TTBK2: variants seen among roughly 807,000 people sequenced by gnomAD.
TTBK2 encodes the protein tau tubulin kinase 2, also known as tau-tubulin kinase 2.
Under a neutral mutation model 110.8 loss-of-function variants are expected in TTBK2, and 28 were observed. The ratio of observed to expected loss-of-function variants is 0.25; its 90% CI spans 0.19 to 0.35. The LOEUF (loss-of-function observed/expected upper bound fraction) is 0.35. Ranked by LOEUF, TTBK2 falls within the 10% of genes least tolerant of loss-of-function variation. The pLI, the probability that TTBK2 is intolerant of heterozygous loss-of-function variation, is 1.00. For synonymous variants in TTBK2, 532 were observed against 527.3 expected (o/e 1.01, Z -0.12); for missense variants, 1,369 against 1,500.3 (o/e 0.91, Z 1.45).
At chr15:42,802,347 A>G in intron 9 of TTBK2, 1 of 770,408 alleles carries the variant, frequency 1.3e-6, no homozygotes, top group Non-Finnish European at 2.4e-6. Context: ...AGAGGCTGTT[A>G]AAGGCCTGGG....
intron 10 of TTBK2, 62 bp downstream of exon 10, chr15:42,794,582 A>C: frequency 6.2e-7 from 1 of 1,612,378 alleles, no homozygotes; most frequent in Non-Finnish European, 8.5e-7. Context: ...TGGATGAAGT[A>C]AATTTTTGCA....
In TTBK2 at chr15:42,810,594, G is replaced by A. The variant is rs749122384; in HGVS notation, c.822+20C>T. On this transcript the variant is annotated intron_variant, in intron 9 of 14. Transcript: ENST00000267890. The stretch of plus-strand genomic sequence containing the variant: ...TAAGAGAGAAAATAACTAACCCACA[G>A]AACTCACAAAGATGGTTACCTGGTA... 1.2e-6 allele frequency: 2 copies of A among 1,613,054 alleles called. No individual in the cohort carries two copies. Among genetic ancestry groups the A allele is most frequent in the East Asian group, 4.5e-5 (2 of 44,818 alleles).
chr15:42,755,331 A>G (rs913602222), intron 13 of TTBK2, among the ~76,000 whole-genome samples: 2 of 152,212 alleles, frequency 1.3e-5, no homozygotes, highest in Admixed American at 1.3e-4. Flanking sequence ...TGGATTAGTC[A>G]TAGGAGATTT....
chr15:42,775,523 G>A lies in TTBK2; in HGVS notation c.1610C>T (p.Ala537Val). Residue 537 changes from alanine (A) to valine (V), a missense_variant, in exon 13 of 15, where the codon GCT becomes GTT. Physicochemically the swap from Ala to Val is moderately conservative, Grantham distance 64 (BLOSUM62 0). Around this residue, in one of 4 missense-constraint regions of TTBK2, gnomAD observed 1,097 missense variants for 1,114.7 expected, o/e 0.98. Transcript: ENST00000267890. ...ADGGGSNGFI[A>V]VNLSSCKQEI... ...TTGCTTGCAAGAGCTCAGGTTAACA[G>A]CTATAAATCCATTGCTGCCACCACC... 6.2e-7 allele frequency: 1 copy of A among 1,614,190 alleles called. No individual in the cohort carries two copies. The highest frequency in any genetic ancestry group is 8.5e-7 in the Non-Finnish European group (1 of 1,180,028).
Position 42,753,243 on chromosome 15 carries a change from G to A in TTBK2, c.2003C>T (p.Thr668Ile). ...AGATGCCACAGAAGGTCTAGGAATT[G>A]TAATCTGGAGAAGGGGAAGAAAAAA... ...AQAEGPLTAI[T>I]IPRPSVASTQ... Residue 668 changes from threonine (T) to isoleucine (I), a missense_variant, in exon 14 of 15, where the codon ACA becomes ATA. Around this residue, in one of 4 missense-constraint regions of TTBK2, gnomAD observed 1,097 missense variants for 1,114.7 expected, o/e 0.98. Transcript: ENST00000267890. 1 of 1,613,526 alleles carries A rather than the reference G, an allele frequency of 6.2e-7. No homozygotes were observed. Among genetic ancestry groups the A allele is most frequent in the Non-Finnish European group, 8.5e-7 (1 of 1,179,814 alleles).
At chr15:42,886,941 CTTCTT>C (rs1567078702) in intron 1 of TTBK2, among the ~76,000 whole-genome samples, 1 of 152,216 alleles carries the variant, frequency 6.6e-6, no homozygotes, top group Admixed American at 6.5e-5. Flanking sequence ...CTTCCCAGAT[CTTCTT>C]GGCTTAGCAG....
At chr15:42,759,431 G>A (rs2061992520) in intron 13 of TTBK2, among the ~76,000 whole-genome samples, 1 of 152,192 alleles carries the variant, frequency 6.6e-6, no homozygotes, top group South Asian at 2.1e-4. Flanking sequence ...GCCCCTGGCA[G>A]GTGTGCCTCC....
At chr15:42,800,928 G>A (rs56367236) in intron 9 of TTBK2, 2 of 710,236 alleles carry the variant, frequency 2.8e-6, no homozygotes, top group South Asian at 3.1e-5. Flanking sequence ...CCTAGGCTCT[G>A]CGGCAGCCGC....
intron 6 of TTBK2, among the ~76,000 whole-genome samples, chr15:42,820,191 C>T (rs1892232863): frequency 6.6e-6 from 1 of 152,162 alleles, no homozygotes; most frequent in Non-Finnish European, 1.5e-5. Context: ...GAAATAATGT[C>T]AGATCAAGGA....
At chr15:42,795,257 ATT>A (rs60181944) in intron 9 of TTBK2, among the ~76,000 whole-genome samples, 116 of 139,942 alleles carry the variant, frequency 8.3e-4, no homozygotes, top group African/African-American at 2.7e-3. Flanking sequence ...GCTTTCCTTC[ATT>A]TTTTTTTTTT....
chr15:42,905,986 C>G (rs745628584), intron 1 of TTBK2, among the ~76,000 whole-genome samples: 1 of 152,030 alleles, frequency 6.6e-6, no homozygotes, highest in African/African-American at 2.4e-5. Context: ...GTCGGGAGTT[C>G]GAGACCAGCC....
rs768620828 is a variant in TTBK2 at position 42,878,044 on chromosome 15, CATT to C, written c.69+502_69+504del. On this transcript the variant is annotated intron_variant, in intron 2 of 14. Coordinates refer to ENST00000267890, the MANE Select transcript of TTBK2 (RefSeq NM_173500.4). The stretch of plus-strand genomic sequence containing the variant: ...AAAAAAAAAAAAAGAGAGAGCAGCT[CATT>C]GTACTTCCTTTTTTTTTCCCGGGTT... 1.3e-4 allele frequency among the ~76,000 whole-genome samples: 19 copies of C among 149,974 alleles called. No homozygotes were observed. The South Asian group carries it at 3.8e-3, about 30-fold the overall frequency.
chr15:42,833,534 A>C (rs1343377597), intron 4 of TTBK2, among the ~76,000 whole-genome samples: 1 of 152,154 alleles, frequency 6.6e-6, no homozygotes, highest in Non-Finnish European at 1.5e-5. Context: ...CATGTACTGA[A>C]TTATTTTCAT....
intron 1 of TTBK2, among the ~76,000 whole-genome samples, chr15:42,917,832 A>G (rs7164041): frequency 0.058 from 8,840 of 152,260 alleles, 800 homozygotes; most frequent in African/African-American, 0.19. Context: ...CTCAATAAGA[A>G]CAAAAAATGA....
At chr15:42,890,930 G>A (rs184008832) in intron 1 of TTBK2, among the ~76,000 whole-genome samples, 184 of 152,200 alleles carry the variant, frequency 1.2e-3, no homozygotes, top group Admixed American at 3.1e-3. Context: ...GTGCACTGGC[G>A]CAATCTTGGC....
intron 4 of TTBK2, among the ~76,000 whole-genome samples, chr15:42,837,646 A>C (rs1428845646): frequency 1.5e-5 from 2 of 132,616 alleles, no homozygotes; most frequent in African/African-American, 5.9e-5. Flanking sequence ...TGACAGAGTG[A>C]GACTCTGTCT....
intron 9 of TTBK2, among the ~76,000 whole-genome samples, chr15:42,796,049 G>T (rs1035776421): frequency 4.6e-5 from 7 of 152,072 alleles, no homozygotes; most frequent in Admixed American, 1.3e-4. Flanking sequence ...ATGGAAAGCA[G>T]TGAGTTTAGG....
At chr15:42,852,242 T>C (rs926278130) in intron 3 of TTBK2, among the ~76,000 whole-genome samples, 24 of 152,054 alleles carry the variant, frequency 1.6e-4, no homozygotes, top group African/African-American at 5.8e-4. Flanking sequence ...CTAATTTTTG[T>C]ATTGTTAGTA....
At chr15:42,865,510 T>A (rs1170717489) in intron 3 of TTBK2, among the ~76,000 whole-genome samples, 2,295 of 105,768 alleles carry the variant, frequency 0.022, 79 homozygotes, top group African/African-American at 0.12. Flanking sequence ...AAAATAATAA[T>A]ACTAAAAAAA....
Sources: allele counts gnomAD v4.1 joint callset (sites outside exome capture counted in the v4.1 genomes callset), GRCh38; gene constraint gnomAD v4.1.1; regional missense constraint gnomAD v4.1.1; transcripts MANE v1.5; gene names NCBI Gene and HGNC (gene_info 2026-07-23, HGNC 2026-07-21).